The following PTPRK variants were observed in gnomAD, a reference collection of about 807,000 sequenced individuals.
PTPRK encodes the protein receptor-type tyrosine-protein phosphatase kappa.
In PTPRK, 75 loss-of-function variants were observed where a neutral mutation model predicts 178.0. That is an observed-to-expected ratio of 0.42 (90% confidence interval 0.35 to 0.51). PTPRK has a LOEUF of 0.51. Among genes scored for constraint, PTPRK ranks in the 20% least tolerant of loss-of-function variants. The probability of loss-of-function intolerance (pLI) is 0.02; values close to 1 mark genes in which losing one functional copy is unlikely to be tolerated. For missense variants in PTPRK, 1,441 were observed against 1,797.8 expected, an observed-to-expected ratio of 0.80 and a Z score of 3.59; for synonymous variants, 637 against 620.6, an observed-to-expected ratio of 1.03 and a Z score of -0.39.
Position 127,996,905 on chromosome 6 carries a change from TATA to T in PTPRK, c.2760_2762del (p.Ile921del). On this transcript the variant is annotated inframe_deletion, in exon 17 of 30. Transcript: ENST00000368226. ...AAGAATTGAATGGGAACTTACATGCTATAATGTTTCCATATCGGTTTTTTGCTC... is the reference window on the plus strand; with the variant it reads ...AAGAATTGAATGGGAACTTACATGCTATGTTTCCATATCGGTTTTTTGCTC... 1 of 1,609,806 alleles carries T rather than the reference TATA, an allele frequency of 6.2e-7. No individual in the cohort carries two copies. The highest frequency in any genetic ancestry group is 8.5e-7 in the Non-Finnish European group (1 of 1,177,662).
chr6:128,149,862 T>G (rs1431879958), intron 7 of PTPRK, among the ~76,000 whole-genome samples: 1 of 152,116 alleles, frequency 6.6e-6, no homozygotes, highest in Non-Finnish European at 1.5e-5. Flanking sequence ...AGAGAAGAGG[T>G]AGTCACTGCT....
At chr6:128,222,612 A>C (rs767469537) in intron 5 of PTPRK, among the ~76,000 whole-genome samples, 5 of 152,184 alleles carry the variant, frequency 3.3e-5, no homozygotes, top group Non-Finnish European at 5.9e-5. Context: ...CAGCCCGTGC[A>C]ATTCAGTCTC....
intron 3 of PTPRK, among the ~76,000 whole-genome samples, chr6:128,316,444 G>T (rs536718412): frequency 4.6e-5 from 7 of 152,116 alleles, no homozygotes; most frequent in African/African-American, 1.7e-4. Context: ...AACAATGAAG[G>T]GTACTGTGGC....
At chr6:128,237,224 T>A (rs1250811922) in intron 5 of PTPRK, among the ~76,000 whole-genome samples, 1 of 152,248 alleles carries the variant, frequency 6.6e-6, no homozygotes, top group African/African-American at 2.4e-5. Context: ...ATTTTGCCAA[T>A]TGAAGCTCAA....
chr6:128,072,028 T>C (rs2114960372), intron 11 of PTPRK, among the ~76,000 whole-genome samples: 1 of 152,174 alleles, frequency 6.6e-6, no homozygotes, highest in East Asian at 1.9e-4. Flanking sequence ...AATTACCTAA[T>C]GGAACTAAAC....
intron 5 of PTPRK, among the ~76,000 whole-genome samples, chr6:128,221,023 T>C (rs1466175010): frequency 2.6e-5 from 4 of 152,186 alleles, no homozygotes; most frequent in African/African-American, 9.6e-5. Context: ...TTCCACTGAT[T>C]AGTACTACAT....
intron 7 of PTPRK, among the ~76,000 whole-genome samples, chr6:128,124,403 CT>C (rs1162999922): frequency 6.6e-6 from 1 of 152,108 alleles, no homozygotes; most frequent in Non-Finnish European, 1.5e-5. Context: ...ATAAACATAT[CT>C]GTTTAACACA....
rs12175825 is a variant in PTPRK, at chr6:128,509,889, C to T, written c.100+10370G>A. Among the ~76,000 whole-genome samples, 946 of 152,164 alleles carry T rather than the reference C, an allele frequency of 6.2e-3. 29 individuals are homozygous for T. In the East Asian group the frequency reaches 0.079, roughly 13 times the overall value. ...CCCCTTCACCTCATTCATATATTTC[C>T]TGAGCATTTAAGTGTTGGTTTAGAT... is the stretch of plus-strand genomic sequence containing the variant. On this transcript the variant is annotated intron_variant, in intron 1 of 29. Coordinates refer to ENST00000368226, the MANE Select transcript of PTPRK (RefSeq NM_002844.4).
chr6:128,182,792 T>C (rs1209073276), intron 7 of PTPRK, among the ~76,000 whole-genome samples: 1 of 152,114 alleles, frequency 6.6e-6, no homozygotes, highest in Non-Finnish European at 1.5e-5. Context: ...TTACATGCAA[T>C]CTCCATGGCT....
At chr6:128,431,235 G>A (rs1489359432) in intron 1 of PTPRK, among the ~76,000 whole-genome samples, 3 of 151,984 alleles carry the variant, frequency 2.0e-5, no homozygotes, top group African/African-American at 7.3e-5. Flanking sequence ...ATCGTGCTCG[G>A]CCAAATATTC....
At chr6:128,502,408 A>G (rs907677758) in intron 1 of PTPRK, among the ~76,000 whole-genome samples, 7 of 152,238 alleles carry the variant, frequency 4.6e-5, no homozygotes, top group African/African-American at 1.7e-4. Context: ...CAACGAACCT[A>G]AAGTTTCTTG....
chr6:128,447,434 T>A (rs1394815762), intron 1 of PTPRK, among the ~76,000 whole-genome samples: 1 of 152,230 alleles, frequency 6.6e-6, no homozygotes, highest in Non-Finnish European at 1.5e-5. Flanking sequence ...CTACTTTTTT[T>A]ATCTCTAATT....
At chr6:128,128,043 C>T (rs1583135204) in intron 7 of PTPRK, among the ~76,000 whole-genome samples, 1 of 152,098 alleles carries the variant, frequency 6.6e-6, no homozygotes, top group African/African-American at 2.4e-5. Flanking sequence ...GAAGTTAAGG[C>T]CAATATATGA....
In PTPRK at chr6:128,347,591, C is replaced by T. The variant is rs151229995; in HGVS notation, c.224-25281G>A. ...TGGTTTTCATTTAAACTGTAAAAGT[C>T]CCCATGTGAGTATGTGTATGAGGGG... On this transcript the variant is annotated intron_variant, in intron 2 of 29. Transcript: ENST00000368226. Among the ~76,000 whole-genome samples, 330 of 152,082 alleles carry T rather than the reference C, an allele frequency of 2.2e-3. 2 individuals are homozygous for T. The highest frequency in any genetic ancestry group is 3.4e-3 in the Middle Eastern group (1 of 294).
At chr6:128,179,764 C>T (rs1188415745) in intron 7 of PTPRK, among the ~76,000 whole-genome samples, 4 of 151,892 alleles carry the variant, frequency 2.6e-5, no homozygotes, top group African/African-American at 9.7e-5. Context: ...ATATATGGTA[C>T]CATTTTGCTG....
chr6:128,053,459 T>G (rs1779392397), intron 13 of PTPRK, among the ~76,000 whole-genome samples: 1 of 151,956 alleles, frequency 6.6e-6, no homozygotes, highest in African/African-American at 2.4e-5. Flanking sequence ...CCCCAAGCTC[T>G]TCATCTTGTT....
intron 2 of PTPRK, among the ~76,000 whole-genome samples, chr6:128,365,357 C>T (rs1835337992): frequency 6.6e-6 from 1 of 151,844 alleles, no homozygotes. Flanking sequence ...AGTTTAAGTG[C>T]CTGAAATGTC....
At chr6:128,450,461 A>G (rs1457077684) in intron 1 of PTPRK, among the ~76,000 whole-genome samples, 1 of 152,232 alleles carries the variant, frequency 6.6e-6, no homozygotes, top group African/African-American at 2.4e-5. Flanking sequence ...ATTTTCACAT[A>G]TAAGTATAAT....
Position 127,973,783 on chromosome 6 carries a change from T to C in PTPRK, c.4014A>G (p.Gly1338=). 6.2e-7 allele frequency: 1 copy of C among 1,614,036 alleles called. No individual in the cohort carries two copies. The highest frequency in any genetic ancestry group is 8.5e-7 in the Non-Finnish European group (1 of 1,179,920). The change falls in exon 28 of 30, where the codon GGA becomes GGG. Residue 1338 remains glycine, a synonymous_variant. Coordinates refer to ENST00000368226, the MANE Select transcript of PTPRK (RefSeq NM_002844.4). ...YLMVQQFQYL[G]WASHREVPGS... The stretch of plus-strand genomic sequence containing the variant: ...CAGGCACTTCTCGATGAGAAGCCCA[T>C]CCTAGGTACTGAAACTGTTGCACCA...
Sources: gnomAD v4.1 joint callset for allele counts (sites outside exome capture counted in the v4.1 genomes callset) on GRCh38, gnomAD v4.1.1 for gene constraint, MANE v1.5 for transcripts, NCBI Gene and HGNC (gene_info 2026-07-23, HGNC 2026-07-21) for gene names.